Variants in HDAC9 observed in about 807,000 individuals in gnomAD.
HDAC9 encodes MEF-2 interacting transcription repressor (MITR) protein.
In HDAC9, 41 loss-of-function variants were observed where a neutral mutation model predicts 139.4. That is an observed-to-expected ratio of 0.29 (90% CI 0.23 to 0.38). HDAC9 has a LOEUF of 0.38. Among genes scored for constraint, HDAC9 ranks in the 10% least tolerant of loss-of-function variants. The pLI is 1.00. For synonymous variants in HDAC9, 517 were observed against 476.2 expected, an observed-to-expected ratio of 1.09 and a Z score of -1.12; for missense variants, 1,147 against 1,297.0, an observed-to-expected ratio of 0.88 and a Z score of 1.78.
At chr7:18,248,497 G>A (rs1187073687) in intron 2 of HDAC9, among the ~76,000 whole-genome samples, 1 of 152,156 alleles carries the variant, frequency 6.6e-6, no homozygotes, top group Non-Finnish European at 1.5e-5. Context: ...CATGAAACTT[G>A]GTGGAATTGT....
chr7:18,457,389 G>A (rs961374692), intron 1 of HDAC9, among the ~76,000 whole-genome samples: 2 of 152,054 alleles, frequency 1.3e-5, no homozygotes, highest in Admixed American at 6.6e-5. Flanking sequence ...AAATAAAATT[G>A]CTTCAGTGAA....
chr7:18,572,707 CAAAAT>C (rs1352480072), intron 2 of HDAC9, among the ~76,000 whole-genome samples: 1 of 152,040 alleles, frequency 6.6e-6, no homozygotes, highest in African/African-American at 2.4e-5. Context: ...TCTCAAATTA[CAAAAT>C]AATATGGATT....
chr7:18,368,243 G>T (rs1346586569), intron 1 of HDAC9, among the ~76,000 whole-genome samples: 1 of 151,850 alleles, frequency 6.6e-6, no homozygotes, highest in East Asian at 1.9e-4. Context: ...AGGTCATAAA[G>T]ATATCCTCCC....
rs1788352998 is a variant in HDAC9 at position 18,750,549 on chromosome 7, T to A, written c.2043+1411T>A. Among the ~76,000 whole-genome samples, 4 of 152,200 alleles carry A rather than the reference T, an allele frequency of 2.6e-5. No individual in the cohort carries two copies. In the South Asian group the frequency reaches 8.3e-4, roughly 31 times the overall value. On this transcript the variant is annotated intron_variant, in intron 14 of 25. Coordinates refer to ENST00000686413, the MANE Select transcript of HDAC9 (RefSeq NM_178425.4). ...TGAAGGAAAATGAACTAGATTTATT[T>A]ATCTGGTCCTTTCCTCAGTGCAAGT... is the stretch of plus-strand genomic sequence containing the variant.
intron 21 of HDAC9, among the ~76,000 whole-genome samples, chr7:18,862,410 A>G (rs897435204): frequency 1.3e-5 from 2 of 152,218 alleles, no homozygotes; most frequent in East Asian, 3.8e-4. Context: ...TGAAACTAAG[A>G]CAATTTACTA....
chr7:18,780,811 A>C (rs1791185360), intron 16 of HDAC9, among the ~76,000 whole-genome samples: 1 of 152,016 alleles, frequency 6.6e-6, no homozygotes, highest in Admixed American at 6.6e-5. Flanking sequence ...AAGAGCAGTA[A>C]AGACAGACAC....
intron 3 of HDAC9, among the ~76,000 whole-genome samples, chr7:18,585,918 T>C (rs1829341353): frequency 6.6e-6 from 1 of 152,112 alleles, no homozygotes; most frequent in Non-Finnish European, 1.5e-5. Context: ...GATAAATTAG[T>C]CACCTTATAT....
intron 2 of HDAC9, among the ~76,000 whole-genome samples, chr7:18,221,106 CTTT>C (rs537033538): frequency 7.2e-6 from 1 of 139,670 alleles, no homozygotes; most frequent in Non-Finnish European, 1.5e-5. Context: ...ATTTCTATTC[CTTT>C]TTTTTTTTTT....
chr7:18,813,913 C>G lies in HDAC9; in HGVS notation c.2323-15248C>G, dbSNP rs577679912. 3.9e-5 allele frequency among the ~76,000 whole-genome samples: 6 copies of G among 152,310 alleles called. No homozygotes were observed. In the South Asian group the frequency reaches 1.2e-3, roughly 32 times the overall value. On this transcript the variant is annotated intron_variant, in intron 17 of 25. Coordinates refer to ENST00000686413, the MANE Select transcript of HDAC9 (RefSeq NM_178425.4). ...GTCTATGGTGTTCCCACACCACAGT[C>G]CATTTCCTTCTAGGATGTTAGTCCC... is the stretch of plus-strand genomic sequence containing the variant.
intron 2 of HDAC9, among the ~76,000 whole-genome samples, chr7:18,529,011 C>T (rs1327740178): frequency 6.6e-6 from 1 of 152,130 alleles, no homozygotes; most frequent in East Asian, 1.9e-4. Flanking sequence ...TGTCTTTATC[C>T]TTCTGTCATG....
intron 2 of HDAC9, among the ~76,000 whole-genome samples, chr7:18,221,387 G>A (rs867309934): frequency 6.6e-6 from 1 of 152,040 alleles, no homozygotes; most frequent in African/African-American, 2.4e-5. Context: ...TTACAGGCAC[G>A]AGCCCAATTG....
chr7:18,773,949 A>G (rs1182180859), intron 16 of HDAC9, among the ~76,000 whole-genome samples: 1 of 152,060 alleles, frequency 6.6e-6, no homozygotes, highest in Non-Finnish European at 1.5e-5. Flanking sequence ...CCACAAACTT[A>G]GTAAAGCATA....
chr7:18,442,283 CTTCTAATTT>C (rs1791856305), intron 1 of HDAC9, among the ~76,000 whole-genome samples: 1 of 152,136 alleles, frequency 6.6e-6, no homozygotes, highest in Admixed American at 6.6e-5. Context: ...GTTGGGAAGA[CTTCTAATTT>C]TTTTTCCTGT....
intron 1 of HDAC9, among the ~76,000 whole-genome samples, chr7:18,377,173 T>C (rs1785056517): frequency 6.6e-6 from 1 of 152,104 alleles, no homozygotes; most frequent in South Asian, 2.1e-4. Flanking sequence ...TCCTGATTCA[T>C]AGACAGTTAC....
chr7:18,940,026 T>C (rs1274668836), intron 23 of HDAC9, among the ~76,000 whole-genome samples: 1 of 152,206 alleles, frequency 6.6e-6, no homozygotes, highest in Admixed American at 6.5e-5. Context: ...TTTTGAATGC[T>C]ATTTCTTTCC....
chr7:18,540,834 T>A (rs577252236), intron 2 of HDAC9, among the ~76,000 whole-genome samples: 1 of 152,336 alleles, frequency 6.6e-6, no homozygotes, highest in Middle Eastern at 3.4e-3. Context: ...CCAACACTAA[T>A]GAGCATTTAG....
At chr7:18,903,727 T>A (rs1267160194) in intron 22 of HDAC9, among the ~76,000 whole-genome samples, 4 of 152,230 alleles carry the variant, frequency 2.6e-5, no homozygotes, top group African/African-American at 4.8e-5. Flanking sequence ...AAGTAAGCCC[T>A]GATAAAATGA....
chr7:18,657,423 G>A (rs1257861053), intron 11 of HDAC9, among the ~76,000 whole-genome samples: 2 of 152,062 alleles, frequency 1.3e-5, no homozygotes, highest in Non-Finnish European at 2.9e-5. Flanking sequence ...GATTAGCAAA[G>A]AAAATAAGGA....
intron 21 of HDAC9, among the ~76,000 whole-genome samples, chr7:18,860,768 C>T (rs559868947): frequency 3.5e-4 from 54 of 152,258 alleles, no homozygotes; most frequent in African/African-American, 1.3e-3. Context: ...AGCTGACCTC[C>T]TTGTCAGCAC....
Sources: allele counts gnomAD v4.1 joint callset (sites outside exome capture counted in the v4.1 genomes callset), GRCh38; gene constraint gnomAD v4.1.1; transcripts MANE v1.5; gene names NCBI Gene and HGNC (gene_info 2026-07-23, HGNC 2026-07-21).